The following RBP2 variants were observed in gnomAD, a reference collection of about 807,000 sequenced individuals.
The protein encoded by RBP2 is retinol-binding protein 2.
In RBP2, 17 loss-of-function variants were observed where a neutral mutation model predicts 17.0. The ratio of observed to expected loss-of-function variants is 1.00; its 90% CI spans 0.68 to 1.50. The LOEUF (loss-of-function observed/expected upper bound fraction) is 1.50, where lower values mean the gene tolerates loss of function less well. Among genes scored for constraint, RBP2 ranks in the 40% most tolerant of loss-of-function variants. The pLI, the probability that RBP2 is intolerant of heterozygous loss-of-function variation, is 0.00. For synonymous variants in RBP2, 48 were observed against 57.1 expected (o/e 0.84, Z 0.72); for missense variants, 158 against 168.2 (o/e 0.94, Z 0.33).
intron 1 of RBP2, among the ~76,000 whole-genome samples, chr3:139,465,775 C>T (rs1350067481): frequency 6.6e-6 from 1 of 152,130 alleles, no homozygotes; most frequent in Non-Finnish European, 1.5e-5. Flanking sequence ...TTTCTAGGCC[C>T]AGGGCTGTAT....
intron 2 of RBP2, among the ~76,000 whole-genome samples, chr3:139,458,092 A>G (rs547141336): frequency 6.0e-4 from 91 of 152,356 alleles, no homozygotes; most frequent in Non-Finnish European, 1.2e-3. Flanking sequence ...GCACATGACA[A>G]AGCAAAGGGG....
At chr3:139,460,363 G>T (rs1933146082) in intron 2 of RBP2, among the ~76,000 whole-genome samples, 1 of 152,092 alleles carries the variant, frequency 6.6e-6, no homozygotes, top group East Asian at 1.9e-4. Flanking sequence ...AGAGTGCTCT[G>T]GTGGAAAAAT....
chr3:139,454,893 C>G, intron 2 of RBP2, 63 bp from the exon 3 acceptor site: 4 of 1,484,602 alleles, frequency 2.7e-6, no homozygotes, highest in Non-Finnish European at 3.8e-6. Context: ...CAAATCTAAA[C>G]CTGCAGCTGC....
At chr3:139,471,095 T>A (rs1481790002) in intron 1 of RBP2, among the ~76,000 whole-genome samples, 2 of 152,180 alleles carry the variant, frequency 1.3e-5, no homozygotes, top group Non-Finnish European at 2.9e-5. Context: ...ACTTTCTGTC[T>A]CCCCACTAGC....
At chr3:139,461,499 A>G (rs1409952198) in intron 2 of RBP2, among the ~76,000 whole-genome samples, 2 of 151,924 alleles carry the variant, frequency 1.3e-5, no homozygotes, top group Non-Finnish European at 2.9e-5. Context: ...TCTCCAAGTT[A>G]TTAGGGCTGG....
chr3:139,457,626 GAA>G (rs966656466), intron 2 of RBP2, among the ~76,000 whole-genome samples: 12 of 152,266 alleles, frequency 7.9e-5, no homozygotes, highest in African/African-American at 2.2e-4. Flanking sequence ...AGAAAGAAGA[GAA>G]TGGTTAAATG....
At chr3:139,472,130 T>G (rs1007620173) in intron 1 of RBP2, among the ~76,000 whole-genome samples, 1 of 152,206 alleles carries the variant, frequency 6.6e-6, no homozygotes, top group Non-Finnish European at 1.5e-5. Flanking sequence ...TGTTCTTCCT[T>G]CAAAGCCCCA....
Position 139,476,439 on chromosome 3 carries a change from T to C in RBP2, c.21A>G (p.Gly7=), listed in dbSNP as rs761067854. MTRDQN[G]TWEMESNENF... ...TTTCATTACTCTCCATCTCCCAGGT[T>C]CCATTCTGGTCCCTTGTCATGGTGG... Residue 7 remains glycine, a synonymous_variant, in exon 1 of 4, where the codon GGA becomes GGG. Coordinates refer to ENST00000232217, the MANE Select transcript of RBP2 (RefSeq NM_004164.3). The C allele has an allele frequency of 6.2e-7, 1 of 1,613,936 alleles. No homozygotes were observed. The highest frequency in any genetic ancestry group is 8.5e-7 in the Non-Finnish European group (1 of 1,179,964).
chr3:139,475,188 C>T (rs1054631999), intron 1 of RBP2, among the ~76,000 whole-genome samples: 4 of 151,522 alleles, frequency 2.6e-5, no homozygotes, highest in African/African-American at 9.7e-5. Flanking sequence ...GGCGTGGTGG[C>T]GGGTGCCTGT....
chr3:139,452,967 T>C lies in RBP2; in HGVS notation c.*149A>G. 1 of 778,490 alleles carries C rather than the reference T, an allele frequency of 1.3e-6. No individual in the cohort carries two copies. The highest frequency in any genetic ancestry group is 1.6e-5 in the South Asian group (1 of 63,484). The allele number at this position is 778,490 out of a possible 1,614,324, so 48.2% of individuals were successfully genotyped here. On this transcript the variant is annotated 3_prime_UTR_variant, in exon 4 of 4. Transcript: ENST00000232217. ...AGGAGGGGAATATGTCTATCACTGC[T>C]ACATAGGCATTCTGTTTAAAACCCA...
At chr3:139,457,670 G>T (rs1251205386) in intron 2 of RBP2, among the ~76,000 whole-genome samples, 8 of 152,168 alleles carry the variant, frequency 5.3e-5, no homozygotes, top group African/African-American at 1.9e-4. Context: ...TCTGCTTTTA[G>T]TTGGTGCCCT....
At chr3:139,456,227 G>A (rs577602910) in intron 2 of RBP2, among the ~76,000 whole-genome samples, 2 of 152,274 alleles carry the variant, frequency 1.3e-5, no homozygotes, top group African/African-American at 2.4e-5. Context: ...TTGGTGTCTT[G>A]TAAACCCAGT....
chr3:139,473,642 G>A (rs1486690516), intron 1 of RBP2, among the ~76,000 whole-genome samples: 1 of 152,198 alleles, frequency 6.6e-6, no homozygotes, highest in South Asian at 2.1e-4. Flanking sequence ...CCTGTCTTAT[G>A]TCCTGGGCAT....
intron 1 of RBP2, among the ~76,000 whole-genome samples, chr3:139,475,324 T>TAAAAAAAA (rs397941333): frequency 1.3e-4 from 9 of 71,590 alleles, no homozygotes; most frequent in African/African-American, 2.9e-4. Flanking sequence ...GTCCCCAAAA[T>TAAAAAAAA]AAAAAAAAAA....
At chr3:139,454,594 A>G (rs1402175417) in intron 3 of RBP2, 135 bp downstream of exon 3, 7 of 746,228 alleles carry the variant, frequency 9.4e-6, no homozygotes, top group African/African-American at 8.6e-5. Context: ...CTTTCTGACT[A>G]TATGACCACA....
chr3:139,473,688 G>A (rs1933636819), intron 1 of RBP2, among the ~76,000 whole-genome samples: 1 of 152,202 alleles, frequency 6.6e-6, no homozygotes, highest in Non-Finnish European at 1.5e-5. Context: ...GCTGCTTTTA[G>A]CAGGTTAGAT....
At position 139,471,892 on chromosome 3, in the gene RBP2, T is replaced by C. The variant is rs115981228; in HGVS notation, c.73+4495A>G. Among the ~76,000 whole-genome samples the C allele has an allele frequency of 6.2e-3, 949 of 152,348 alleles. 10 individuals carry two copies. The highest frequency in any genetic ancestry group is 0.021 in the African/African-American group (875 of 41,576). On this transcript the variant is annotated intron_variant, in intron 1 of 3. Transcript: ENST00000232217. ...CTATCTCTGTTAGAGTGAGCATTGA[T>C]AGCATCTCTCTCCTCTGCATACAAT...
intron 2 of RBP2, among the ~76,000 whole-genome samples, chr3:139,455,233 A>C (rs1410133891): frequency 6.6e-6 from 1 of 152,172 alleles, no homozygotes; most frequent in African/African-American, 2.4e-5. Context: ...TGATTTCCTT[A>C]TATATATAAA....
chr3:139,475,823 A>G (rs151096400), intron 1 of RBP2, among the ~76,000 whole-genome samples: 3 of 152,290 alleles, frequency 2.0e-5, no homozygotes, highest in African/African-American at 7.2e-5. Context: ...ACATGCACCA[A>G]TTGGTAGCCC....
Sources: gnomAD v4.1 joint callset for allele counts (sites outside exome capture counted in the v4.1 genomes callset) on GRCh38, gnomAD v4.1.1 for gene constraint, MANE v1.5 for transcripts, NCBI Gene and HGNC (gene_info 2026-07-23, HGNC 2026-07-21) for gene names.